The following ADAMTS9 variants were observed in gnomAD, a reference collection of about 807,000 sequenced individuals.
The protein encoded by ADAMTS9 is ADAM metallopeptidase with thrombospondin type 1 motif 9.
In ADAMTS9, 107 loss-of-function variants were observed where a neutral mutation model predicts 257.1. The ratio of observed to expected loss-of-function variants is 0.42; its 90% confidence interval spans 0.36 to 0.49. The LOEUF (loss-of-function observed/expected upper bound fraction) is 0.49. Among genes scored for constraint, ADAMTS9 ranks in the 20% least tolerant of loss-of-function variants. ADAMTS9 has a pLI of 0.03. For missense variants in ADAMTS9, 2,353 were observed against 2,469.1 expected (o/e 0.95, Z 1.00); for synonymous variants, 982 against 880.9 (o/e 1.11, Z -2.03).
At position 64,550,958 on chromosome 3, in the gene ADAMTS9, C is replaced by T. The variant is rs746991473; in HGVS notation, c.4803G>A (p.Pro1601=). 4.2e-5 allele frequency: 67 copies of T among 1,614,192 alleles called. 1 individual carries two copies. The South Asian group carries it at 6.0e-4, about 15-fold the overall frequency. The stretch of plus-strand genomic sequence containing the variant: ...GCAAACTACAGCTTTCACGGTCCAC[C>T]GGCCGCTTGCTCACGTCACAGCGTG... ...HGARCDVSKR[P]VDRESCSLQP... The change falls in exon 31 of 40, where the codon CCG becomes CCA. Residue 1601 remains proline, a synonymous_variant. Coordinates refer to ENST00000498707, the MANE Select transcript of ADAMTS9 (RefSeq NM_182920.2).
At chr3:64,551,358 C>T (rs766996805) in intron 30 of ADAMTS9, among the ~76,000 whole-genome samples, 17 of 152,068 alleles carry the variant, frequency 1.1e-4, no homozygotes, top group Non-Finnish European at 2.4e-4. Context: ...TACAGGCGCC[C>T]GCCACCACGC....
At chr3:64,662,548 T>G (rs915402023) in intron 3 of ADAMTS9, among the ~76,000 whole-genome samples, 8 of 152,194 alleles carry the variant, frequency 5.3e-5, no homozygotes, top group Non-Finnish European at 7.4e-5. Flanking sequence ...CCTCCATTTC[T>G]GTCAGTTTTT....
At chr3:64,535,358 AAC>A (rs1211792390) in intron 37 of ADAMTS9, among the ~76,000 whole-genome samples, 3 of 151,984 alleles carry the variant, frequency 2.0e-5, no homozygotes, top group Non-Finnish European at 2.9e-5. Context: ...CAGCCTGGGC[AAC>A]AGAGTGAGAT....
chr3:64,609,051 A>G (rs1324819450), intron 22 of ADAMTS9, among the ~76,000 whole-genome samples: 3 of 152,190 alleles, frequency 2.0e-5, no homozygotes, highest in African/African-American at 4.8e-5. Flanking sequence ...AAAGAAAACC[A>G]TATGACAAAA....
At chr3:64,520,139 A>T (rs1371981639) in intron 39 of ADAMTS9, among the ~76,000 whole-genome samples, 1 of 152,170 alleles carries the variant, frequency 6.6e-6, no homozygotes, top group East Asian at 1.9e-4. Context: ...AAGCATTTCT[A>T]TACACAAATA....
At chr3:64,623,276 G>A (rs76821881) in intron 16 of ADAMTS9, among the ~76,000 whole-genome samples, 2,594 of 152,254 alleles carry the variant, frequency 0.017, 63 homozygotes, top group African/African-American at 0.059. Flanking sequence ...AGGCACTTTG[G>A]CTCTGCCTTG....
chr3:64,566,867 A>AC (rs956741465), intron 29 of ADAMTS9, among the ~76,000 whole-genome samples: 1 of 152,146 alleles, frequency 6.6e-6, no homozygotes, highest in Non-Finnish European at 1.5e-5. Context: ...GCTCCAAAAA[A>AC]AAAAAGGGAT....
rs1246219069 is a variant in ADAMTS9, at chr3:64,681,274, T to C, written c.606A>G (p.Lys202=). The change falls in exon 3 of 40, where the codon AAA becomes AAG. Residue 202 remains lysine (K), a synonymous_variant. Coordinates refer to ENST00000498707, the MANE Select transcript of ADAMTS9 (RefSeq NM_182920.2). Reference sequence around the variant, plus strand: ...CGCTGCGCCTATAAATGATGTGGGGTTTGTTTTGTTCCTCTTCATCTTCTT... The same window carrying C: ...CGCTGCGCCTATAAATGATGTGGGGCTTGTTTTGTTCCTCTTCATCTTCTT... ...DEQEDEEEQN[K]PHIIYRRSAP... is the part of the protein sequence containing the mutation. 2 of 1,613,836 alleles carry C rather than the reference T, an allele frequency of 1.2e-6. No individual in the cohort carries two copies. The highest frequency in any genetic ancestry group is 1.7e-6 in the Non-Finnish European group (2 of 1,179,948).
intron 4 of ADAMTS9, 104 bp downstream of exon 4, chr3:64,658,398 T>A: frequency 2.4e-6 from 3 of 1,246,636 alleles, no homozygotes; most frequent in Non-Finnish European, 3.3e-6. Context: ...CCTGAATGGC[T>A]GAAATGCCAG....
At chr3:64,530,525 TTAAA>T (rs1346252960) in intron 38 of ADAMTS9, among the ~76,000 whole-genome samples, 5 of 129,396 alleles carry the variant, frequency 3.9e-5, no homozygotes, top group African/African-American at 1.7e-4. Context: ...ACACCAAGAT[TTAAA>T]AAAAAAAAAA....
chr3:64,641,066 T>A (rs1001948927), intron 12 of ADAMTS9, among the ~76,000 whole-genome samples: 1 of 151,924 alleles, frequency 6.6e-6, no homozygotes, highest in African/African-American at 2.4e-5. Flanking sequence ...TAATTCCTTA[T>A]CACAGAACAC....
chr3:64,641,241 GC>G (rs1279258440), intron 12 of ADAMTS9, among the ~76,000 whole-genome samples: 1 of 112,550 alleles, frequency 8.9e-6, no homozygotes, highest in Non-Finnish European at 1.8e-5. Flanking sequence ...CCATTAGTGT[GC>G]TATCTTTTTT....
chr3:64,655,789 T>G lies in ADAMTS9; in HGVS notation c.1053+3A>C, dbSNP rs764089556. ...AGAAGAAAAAAGAAAAAAACTTTAT[T>G]ACCTGTTCATTATGAATCACAATTA... On this transcript the variant is annotated splice_donor_region_variant and intron_variant, in intron 5 of 39. Coordinates refer to ENST00000498707, the MANE Select transcript of ADAMTS9 (RefSeq NM_182920.2). 1 of 1,569,818 alleles carries G rather than the reference T, an allele frequency of 6.4e-7. No individual in the cohort carries two copies. Among genetic ancestry groups the G allele is most frequent in the South Asian group, 1.2e-5 (1 of 84,872 alleles).
At chr3:64,596,087 C>T (rs533040728) in intron 27 of ADAMTS9, among the ~76,000 whole-genome samples, 6 of 152,270 alleles carry the variant, frequency 3.9e-5, no homozygotes, top group African/African-American at 7.2e-5. Context: ...CGATGTGCTA[C>T]GCATTTGATA....
intron 23 of ADAMTS9, among the ~76,000 whole-genome samples, chr3:64,605,743 ATGTG>A (rs1184815534): frequency 2.6e-5 from 4 of 152,176 alleles, no homozygotes; most frequent in Non-Finnish European, 4.4e-5. Flanking sequence ...GAGAAAAAAG[ATGTG>A]TGTGTGTTTA....
At chr3:64,663,386 T>G (rs932207063) in intron 3 of ADAMTS9, among the ~76,000 whole-genome samples, 10 of 151,512 alleles carry the variant, frequency 6.6e-5, no homozygotes, top group Non-Finnish European at 1.0e-4. Context: ...TAGAGAAGAG[T>G]ACTGCAGTGA....
intron 22 of ADAMTS9, among the ~76,000 whole-genome samples, chr3:64,611,309 G>A (rs1411152130): frequency 3.9e-5 from 6 of 152,160 alleles, no homozygotes; most frequent in Admixed American, 1.3e-4. Context: ...AATATTCTTT[G>A]GCCAAGTACT....
intron 28 of ADAMTS9, among the ~76,000 whole-genome samples, chr3:64,592,006 T>C (rs762185515): frequency 2.0e-5 from 3 of 152,184 alleles, no homozygotes; most frequent in African/African-American, 4.8e-5. Flanking sequence ...ATGCTTACAT[T>C]TGGAATTACT....
intron 36 of ADAMTS9, 54 bp downstream of exon 36, chr3:64,541,041 G>A (rs3796384): frequency 1.2e-6 from 2 of 1,605,162 alleles, no homozygotes. Context: ...CATGCTTGCT[G>A]TCTGAATGGA....
Sources: gnomAD v4.1 joint callset for allele counts (sites outside exome capture counted in the v4.1 genomes callset) on GRCh38, gnomAD v4.1.1 for gene constraint, MANE v1.5 for transcripts, NCBI Gene and HGNC (gene_info 2026-07-23, HGNC 2026-07-21) for gene names.